Variants in TRAPPC6B observed in about 807,000 individuals in gnomAD.
TRAPPC6B encodes the protein TRAPP complex subunit 6B.
In TRAPPC6B, 27 loss-of-function variants were observed where a neutral mutation model predicts 24.7. The ratio of observed to expected loss-of-function variants is 1.09; its 90% CI spans 0.81 to 1.51. TRAPPC6B has a LOEUF of 1.51. TRAPPC6B is among the 40% of genes most tolerant of loss of function. TRAPPC6B has a pLI of 0.00. For missense variants in TRAPPC6B, 212 were observed against 190.8 expected, an observed-to-expected ratio of 1.11 and a Z score of -0.66; for synonymous variants, 80 against 66.6, an observed-to-expected ratio of 1.20 and a Z score of -0.98.
chr14:39,160,904 G>A (rs892193105), intron 1 of TRAPPC6B, among the ~76,000 whole-genome samples: 1 of 152,124 alleles, frequency 6.6e-6, no homozygotes, highest in African/African-American at 2.4e-5. Context: ...TAGTTAACAC[G>A]TAGTAGAATG....
rs59283288 is a variant in TRAPPC6B, at chr14:39,148,959, G to GT, written c.*1390dup. ...TACTGTAGGACACTGTAACACAATG[G>GT]TAAGTACTTGCATATCTAAACATAA... On this transcript the variant is annotated 3_prime_UTR_variant, in exon 6 of 6. Coordinates refer to ENST00000330149, the MANE Select transcript of TRAPPC6B (RefSeq NM_001079537.2). 5,640 of 389,102 alleles carry GT rather than the reference G, an allele frequency of 0.014. 267 individuals are homozygous for GT. The highest frequency in any genetic ancestry group is 0.1 in the African/African-American group (4,926 of 48,520). The allele number at this position is 389,102 out of a possible 1,614,324, so 24.1% of individuals were successfully genotyped here. A position where few individuals can be genotyped will look rare whatever the true frequency, so the allele number is the denominator to read the frequency against.
chr14:39,155,375 G>C (rs1416163246), intron 3 of TRAPPC6B, among the ~76,000 whole-genome samples: 1 of 152,248 alleles, frequency 6.6e-6, no homozygotes, highest in Non-Finnish European at 1.5e-5. Flanking sequence ...CCAAGTAGCT[G>C]GGATTACAGG....
intron 4 of TRAPPC6B, 30 bp downstream of exon 4, chr14:39,154,180 CA>C (rs762783719): frequency 2.5e-5 from 36 of 1,444,462 alleles, no homozygotes; most frequent in Non-Finnish European, 3.4e-5. Flanking sequence ...CTACTATTAA[CA>C]AAAACCCCAA....
At chr14:39,154,004 C>T (rs1273837640) in intron 4 of TRAPPC6B, among the ~76,000 whole-genome samples, 1 of 152,158 alleles carries the variant, frequency 6.6e-6, no homozygotes, top group Non-Finnish European at 1.5e-5. Flanking sequence ...AGCGCCCGGC[C>T]AGTGTTTCTT....
At chr14:39,151,079 C>G (rs1243467750) in intron 5 of TRAPPC6B, among the ~76,000 whole-genome samples, 1 of 151,952 alleles carries the variant, frequency 6.6e-6, no homozygotes, top group East Asian at 1.9e-4. Flanking sequence ...ATAGACATAT[C>G]CTAAACAATT....
At chr14:39,154,319 C>G (rs749742251) in intron 3 of TRAPPC6B, 25 bp from the exon 4 acceptor site, 1 of 1,464,202 alleles carries the variant, frequency 6.8e-7, no homozygotes, top group Non-Finnish European at 9.5e-7. Flanking sequence ...GAAAAAAAAT[C>G]CAAAGTCAAT....
chr14:39,158,457 G>GGACT, intron 2 of TRAPPC6B, 55 bp from the exon 3 acceptor site: 1 of 1,003,664 alleles, frequency 1.0e-6, no homozygotes, highest in Non-Finnish European at 1.5e-6. Flanking sequence ...AAAGCAAGAG[G>GGACT]GACTAATTAT....
chr14:39,150,765 C>T (rs1376133480), intron 5 of TRAPPC6B, among the ~76,000 whole-genome samples: 1 of 152,160 alleles, frequency 6.6e-6, no homozygotes, highest in South Asian at 2.1e-4. Context: ...TCTCAAACTC[C>T]TGACCTCATG....
In TRAPPC6B at chr14:39,154,246, A is replaced by G. The variant is rs1594535153; in HGVS notation, c.316T>C (p.Ser106Pro). ...TGTTCTAAATACTGTTTTCCTGCAG[A>G]CATCTGAGTAAGCAGGCGAAATTTG... Reference protein sequence around the residue: ...DNKFRLLTQMSAGKQYLEHAS... With the variant: ...DNKFRLLTQMPAGKQYLEHAS... The change falls in exon 4 of 6, where the codon TCT (serine) becomes CCT (proline). Residue 106 changes from serine to proline, a missense_variant. By Grantham distance (74) the Ser-to-Pro change is moderately conservative (BLOSUM62 -1). Coordinates refer to ENST00000330149, the MANE Select transcript of TRAPPC6B (RefSeq NM_001079537.2). 2 of 1,613,238 alleles carry G rather than the reference A, an allele frequency of 1.2e-6. No individual in the cohort carries two copies. The highest frequency in any genetic ancestry group is 1.7e-5 in the Admixed American group (1 of 59,938).
intron 1 of TRAPPC6B, 145 bp downstream of exon 1, chr14:39,169,870 G>C (rs1417501244): frequency 2.9e-6 from 2 of 689,732 alleles, no homozygotes; most frequent in Non-Finnish European, 5.1e-6. Flanking sequence ...ACAGGTTCTA[G>C]GGTTTAGGAC....
intron 4 of TRAPPC6B, among the ~76,000 whole-genome samples, chr14:39,152,427 G>A (rs2052926192): frequency 6.6e-6 from 1 of 152,142 alleles, no homozygotes. Flanking sequence ...CAAAGAAAGG[G>A]AATAGGGCTG....
intron 4 of TRAPPC6B, among the ~76,000 whole-genome samples, chr14:39,152,745 A>T (rs2052929965): frequency 6.6e-6 from 1 of 152,222 alleles, no homozygotes; most frequent in Admixed American, 6.5e-5. Flanking sequence ...AAGGTGTTCC[A>T]GTTCTCAAAG....
chr14:39,155,251 A>AT (rs1241661664), intron 3 of TRAPPC6B, among the ~76,000 whole-genome samples: 1 of 151,858 alleles, frequency 6.6e-6, no homozygotes, highest in South Asian at 2.1e-4. Flanking sequence ...TTATTTATTT[A>AT]TTTTTTTGAG....
At position 39,159,561 on chromosome 14, in the gene TRAPPC6B, A is replaced by G. The variant is rs750739499; in HGVS notation, c.82-11T>C. The G allele has an allele frequency of 1.3e-6, 2 of 1,594,338 alleles. No homozygotes were observed. Among genetic ancestry groups the G allele is most frequent in the Admixed American group, 1.7e-5 (1 of 58,320 alleles). On this transcript the variant is annotated splice_polypyrimidine_tract_variant and intron_variant, in intron 1 of 5. Transcript: ENST00000330149. ...ACATCGTCCGTTTTCCTATTTTAAA[A>G]AACAATAGTTTTAAATACTTTTAGA...
intron 1 of TRAPPC6B, among the ~76,000 whole-genome samples, chr14:39,161,224 T>A (rs2053055150): frequency 6.6e-6 from 1 of 152,240 alleles, no homozygotes. Context: ...ATCACAGTAA[T>A]GTATGGTCAG....
In TRAPPC6B at chr14:39,152,584, C is replaced by T. The variant is rs557650377; in HGVS notation, c.352-745G>A. Among the ~76,000 whole-genome samples, 3 of 152,168 alleles carry T rather than the reference C, an allele frequency of 2.0e-5. No individual in the cohort carries two copies. In the South Asian group the frequency reaches 6.2e-4, roughly 32 times the overall value. ...AAAATATTATCTTATAAATAATATA[C>T]ATAAATGGGCACTAATAAGTAACTA... is the stretch of plus-strand genomic sequence containing the variant. On this transcript the variant is annotated intron_variant, in intron 4 of 5. Coordinates refer to ENST00000330149, the MANE Select transcript of TRAPPC6B (RefSeq NM_001079537.2).
chr14:39,160,968 G>A (rs576369397), intron 1 of TRAPPC6B, among the ~76,000 whole-genome samples: 4 of 152,178 alleles, frequency 2.6e-5, no homozygotes, highest in Non-Finnish European at 5.9e-5. Context: ...GAAAACAAAT[G>A]CAGTCCAGTT....
At chr14:39,153,331 G>T (rs2052936910) in intron 4 of TRAPPC6B, among the ~76,000 whole-genome samples, 1 of 151,246 alleles carries the variant, frequency 6.6e-6, no homozygotes, top group Non-Finnish European at 1.5e-5. Flanking sequence ...CAAAAATATA[G>T]AAAATAGGCA....
chr14:39,165,044 A>ATAC (rs2053094081), intron 1 of TRAPPC6B, among the ~76,000 whole-genome samples: 1 of 143,188 alleles, frequency 7.0e-6, no homozygotes, highest in Admixed American at 7.0e-5. Flanking sequence ...TAGACTTCAC[A>ATAC]TTCTTTTTTT....
Sources: gnomAD v4.1 joint callset for allele counts (sites outside exome capture counted in the v4.1 genomes callset) on GRCh38, gnomAD v4.1.1 for gene constraint, MANE v1.5 for transcripts, NCBI Gene and HGNC (gene_info 2026-07-23, HGNC 2026-07-21) for gene names.